Variants in CDH7 observed in about 807,000 individuals in gnomAD.
CDH7 encodes cadherin 7, also known as cadherin-7.
Under a neutral mutation model 71.8 loss-of-function variants are expected in CDH7, and 25 were observed. That is an observed-to-expected ratio of 0.35 (90% confidence interval 0.25 to 0.49). CDH7 has a LOEUF of 0.49. CDH7 is among the 20% of genes least tolerant of loss of function. The probability of loss-of-function intolerance (pLI) is 0.99; values close to 1 mark genes in which losing one functional copy is unlikely to be tolerated. For synonymous variants in CDH7, 381 were observed against 363.8 expected, an observed-to-expected ratio of 1.05 and a Z score of -0.54; for missense variants, 862 against 974.6, an observed-to-expected ratio of 0.88 and a Z score of 1.54.
At chr18:65,858,654 A>T (rs999495524) in intron 8 of CDH7, among the ~76,000 whole-genome samples, 3 of 152,038 alleles carry the variant, frequency 2.0e-5, no homozygotes. Context: ...ATAATCATGT[A>T]TATGTATATA....
chr18:65,762,623 C>CA lies in CDH7; in HGVS notation c.-196-23dup, dbSNP rs1384421440. 40 of 409,984 alleles carry CA rather than the reference C, an allele frequency of 9.8e-5. No homozygotes were observed. The East Asian group carries it at 1.4e-3, about 15-fold the overall frequency. 25.4% of individuals were successfully genotyped at this position (409,984 alleles called of 1,614,324 possible). On this transcript the variant is annotated intron_variant, in intron 1 of 11. Coordinates refer to ENST00000397968, the MANE Select transcript of CDH7 (RefSeq NM_004361.5). The stretch of plus-strand genomic sequence containing the variant: ...TATTATGTGTTTTGGTTCCTGACAC[C>CA]AGCTCTTCTCTTTGTTCTGATAGGT...
rs1158840599 is a variant in CDH7 at position 65,846,194 on chromosome 18, G to C, written c.1235+2129G>C. On this transcript the variant is annotated intron_variant, in intron 7 of 11. Coordinates refer to ENST00000397968, the MANE Select transcript of CDH7 (RefSeq NM_004361.5). The stretch of plus-strand genomic sequence containing the variant: ...CTTGAGAAAGAGCAAGTAGTGACTA[G>C]AGAGAGATGAAGTGAGCTCCACTTC... 3.3e-5 allele frequency among the ~76,000 whole-genome samples: 5 copies of C among 152,066 alleles called. No individual in the cohort carries two copies. In the East Asian group the frequency reaches 9.7e-4, roughly 29 times the overall value.
rs539796487 is a variant in CDH7, at chr18:65,886,357, G to A, written c.*5463G>A. ...ATATGCAACTTGGTATCCTAAATTG[G>A]AAAATAATATTCAAATAGATAATTG... On this transcript the variant is annotated 3_prime_UTR_variant, in exon 12 of 12. Coordinates refer to ENST00000397968, the MANE Select transcript of CDH7 (RefSeq NM_004361.5). The A allele has an allele frequency of 8.6e-5, 13 of 151,990 alleles. No individual in the cohort carries two copies. Among genetic ancestry groups the A allele is most frequent in the Admixed American group, 8.5e-4 (13 of 15,268 alleles). The allele number at this position is 151,990 out of a possible 1,614,324, so 9.4% of individuals were successfully genotyped here.
intron 7 of CDH7, among the ~76,000 whole-genome samples, chr18:65,850,901 T>C (rs931456985): frequency 2.0e-5 from 3 of 151,168 alleles, no homozygotes; most frequent in African/African-American, 7.3e-5. Context: ...AACTTCCGCC[T>C]TCTGGGCTCA....
At chr18:65,758,417 T>A (rs1916094188) in intron 1 of CDH7, among the ~76,000 whole-genome samples, 1 of 152,332 alleles carries the variant, frequency 6.6e-6, no homozygotes, top group African/African-American at 2.4e-5. Context: ...CTTCCCCTGC[T>A]ATAGAGGGCA....
chr18:65,756,994 G>A (rs932271740), intron 1 of CDH7, among the ~76,000 whole-genome samples: 7 of 151,624 alleles, frequency 4.6e-5, no homozygotes, highest in Non-Finnish European at 8.8e-5. Flanking sequence ...AACAGGTTTT[G>A]GAAGACTCGC....
intron 1 of CDH7, among the ~76,000 whole-genome samples, chr18:65,761,093 T>A (rs1421741595): frequency 6.6e-6 from 1 of 152,166 alleles, no homozygotes; most frequent in Non-Finnish European, 1.5e-5. Flanking sequence ...TTGGGTAGAT[T>A]GTGTTCTCTG....
chr18:65,784,204 C>T (rs1001704094), intron 2 of CDH7, among the ~76,000 whole-genome samples: 1 of 148,460 alleles, frequency 6.7e-6, no homozygotes, highest in African/African-American at 2.5e-5. Flanking sequence ...ATCTCAGCTT[C>T]CCAAAGTGCT....
At chr18:65,865,938 T>A (rs2144045081) in intron 11 of CDH7, 1 of 152,246 alleles carries the variant, frequency 6.6e-6, no homozygotes, top group South Asian at 2.1e-4. Context: ...GAACAAATAT[T>A]ACTGGCAAAA....
intron 6 of CDH7, among the ~76,000 whole-genome samples, chr18:65,838,097 G>A (rs1369549259): frequency 5.9e-5 from 9 of 151,804 alleles, no homozygotes; most frequent in African/African-American, 7.3e-5. Flanking sequence ...GCTAACTTTT[G>A]TATTTTTAGT....
rs1471690331 is a variant in CDH7, at chr18:65,780,079, T to G, written c.210+17027T>G. On this transcript the variant is annotated intron_variant, in intron 2 of 11. Coordinates refer to ENST00000397968, the MANE Select transcript of CDH7 (RefSeq NM_004361.5). ...GTGATGATGAGCATTTCTTCATGTG[T>G]TTTTTGGCTGCATAAATGTCTTCTT... Among the ~76,000 whole-genome samples, 3 of 106,174 alleles carry G rather than the reference T, an allele frequency of 2.8e-5. 1 individual carries two copies. The highest frequency in any genetic ancestry group is 1.7e-5 in the Non-Finnish European group (1 of 58,040). The allele number at this position is 106,174 out of a possible 152,430, so 69.7% of individuals were successfully genotyped here. A position where few individuals can be genotyped will look rare whatever the true frequency, so the allele number is the denominator to read the frequency against.
intron 11 of CDH7, among the ~76,000 whole-genome samples, chr18:65,880,175 C>G (rs533938932): frequency 6.6e-6 from 1 of 152,218 alleles, no homozygotes; most frequent in African/African-American, 2.4e-5. Context: ...CAGTTCTGAA[C>G]AGGTGTGGAA....
chr18:65,786,680 C>T (rs1221208429), intron 2 of CDH7, among the ~76,000 whole-genome samples: 1 of 152,064 alleles, frequency 6.6e-6, no homozygotes, highest in African/African-American at 2.4e-5. Flanking sequence ...TTTTCTCTCT[C>T]TCTCTTTCTC....
At chr18:65,795,449 C>T (rs146506731) in intron 2 of CDH7, among the ~76,000 whole-genome samples, 268 of 152,154 alleles carry the variant, frequency 1.8e-3, no homozygotes, top group African/African-American at 5.8e-3. Flanking sequence ...TCATTATCAT[C>T]CCAGTACTGC....
intron 1 of CDH7, among the ~76,000 whole-genome samples, chr18:65,754,411 A>G (rs1598980366): frequency 6.6e-6 from 1 of 152,324 alleles, no homozygotes; most frequent in East Asian, 1.9e-4. Flanking sequence ...ATTTGATCGC[A>G]GTTTCTTTAC....
Position 65,880,402 on chromosome 18 carries a change from G to T in CDH7, c.1866G>T (p.Val622=), listed in dbSNP as rs746477713. ...TCTCTTCCTGTCTTATTGTTTCAGT[G>T]TTGATCCTCCTTATCGTCACTATGA... ...AILACVLTLL[V]LILLIVTMRR... Residue 622 remains valine, a splice_region_variant and synonymous_variant, in exon 12 of 12, where the codon GTG becomes GTT. Transcript: ENST00000397968. The T allele has an allele frequency of 2.0e-6, 3 of 1,533,828 alleles. No individual in the cohort carries two copies. Among genetic ancestry groups the T allele is most frequent in the Non-Finnish European group, 2.6e-6 (3 of 1,147,216 alleles).
At chr18:65,791,093 T>G (rs1910697397) in intron 2 of CDH7, among the ~76,000 whole-genome samples, 1 of 152,294 alleles carries the variant, frequency 6.6e-6, no homozygotes, top group South Asian at 2.1e-4. Flanking sequence ...GAGGCAACTT[T>G]CCTTTACATT....
rs779691485 is a variant in CDH7 at position 65,880,502 on chromosome 18, G to A, written c.1966G>A (p.Glu656Lys). 5 of 1,608,550 alleles carry A rather than the reference G, an allele frequency of 3.1e-6. No individual in the cohort carries two copies. Among genetic ancestry groups the A allele is most frequent in the African/African-American group, 1.3e-5 (1 of 74,342 alleles). The part of the protein sequence containing the change: ...IRENIVRYDD[E>K]GGGEEDTEAF... ...AGAAAATATTGTGAGATACGATGAC[G>A]AGGGCGGGGGAGAGGAGGACACGGA... The change falls in exon 12 of 12, where the codon GAG becomes AAG. Residue 656 changes from glutamate (E) to lysine (K), a missense_variant. Glu to Lys is a moderately conservative substitution (Grantham distance 56). Transcript: ENST00000397968.
Position 65,883,711 on chromosome 18 carries a change from TAA to T in CDH7, c.*2819_*2820del, listed in dbSNP as rs1914295560. 1 of 152,112 alleles carries T rather than the reference TAA, an allele frequency of 6.6e-6. No homozygotes were observed. The highest frequency in any genetic ancestry group is 1.5e-5 in the Non-Finnish European group (1 of 67,960). The allele number at this position is 152,112 out of a possible 1,614,324, so 9.4% of individuals were successfully genotyped here. ...CCCTTTTCTCTGGAGAACAAGTTGT[TAA>T]ACATTTACCAGCACTCTACTGCTTA... On this transcript the variant is annotated 3_prime_UTR_variant, in exon 12 of 12. Coordinates refer to ENST00000397968, the MANE Select transcript of CDH7 (RefSeq NM_004361.5).
Sources: allele counts gnomAD v4.1 joint callset (sites outside exome capture counted in the v4.1 genomes callset), GRCh38; gene constraint gnomAD v4.1.1; transcripts MANE v1.5; gene names NCBI Gene and HGNC (gene_info 2026-07-23, HGNC 2026-07-21).